The following RANBP17 variants were observed in gnomAD, a reference collection of about 807,000 sequenced individuals.
The protein encoded by RANBP17 is RAN binding protein 17.
RANBP17 carries 158 observed loss-of-function variants against 141.2 expected under a neutral mutation model. That is an observed-to-expected ratio of 1.12 (90% confidence interval 0.98 to 1.28). The LOEUF (loss-of-function observed/expected upper bound fraction) is 1.28, where lower values mean the gene tolerates loss of function less well. RANBP17 is among the 50% of genes most tolerant of loss of function. RANBP17 has a pLI of 0.00. For missense variants in RANBP17, 1,438 were observed against 1,290.7 expected, an observed-to-expected ratio of 1.11 and a Z score of -1.75; for synonymous variants, 430 against 450.0, an observed-to-expected ratio of 0.96 and a Z score of 0.56.
chr5:171,106,510 G>A (rs1754850368), intron 14 of RANBP17, among the ~76,000 whole-genome samples: 2 of 152,132 alleles, frequency 1.3e-5, no homozygotes, highest in African/African-American at 4.8e-5. Flanking sequence ...GGTCTGTTTT[G>A]TGAAGAAACT....
At chr5:171,042,819 G>A (rs577996539) in intron 14 of RANBP17, among the ~76,000 whole-genome samples, 156 of 152,174 alleles carry the variant, frequency 1.0e-3, no homozygotes, top group Non-Finnish European at 1.4e-3. Context: ...TCAGGTTTAC[G>A]GATAGGCTCC....
chr5:171,207,035 C>T (rs1217797703), intron 20 of RANBP17: 2 of 170,214 alleles, frequency 1.2e-5, no homozygotes, highest in African/African-American at 2.4e-5. Context: ...GTATGTTGCT[C>T]AGGCTGGACT....
At chr5:171,023,352 T>A (rs923857141) in intron 14 of RANBP17, among the ~76,000 whole-genome samples, 5 of 152,226 alleles carry the variant, frequency 3.3e-5, no homozygotes, top group Non-Finnish European at 7.3e-5. Context: ...AGATTTTACA[T>A]CTACATCAAA....
At chr5:171,101,393 T>C (rs1007525492) in intron 14 of RANBP17, among the ~76,000 whole-genome samples, 9 of 152,248 alleles carry the variant, frequency 5.9e-5, no homozygotes, top group Non-Finnish European at 1.3e-4. Flanking sequence ...ATTTAAAGTC[T>C]GTTTTATCAA....
In RANBP17 at chr5:170,919,706, C is replaced by T. The variant is rs886208086; in HGVS notation, c.1274+93C>T. 5.3e-5 allele frequency: 49 copies of T among 922,384 alleles called. No homozygotes were observed. The Admixed American group carries it at 6.2e-4, about 12-fold the overall frequency. 57.1% of individuals were successfully genotyped at this position (922,384 alleles called of 1,614,324 possible). ...TAAATTTAAAATTCACCCCTTTTAGCGTACAGTTGTATGATTTCTGACAAG... is the reference window on the plus strand; with the variant it reads ...TAAATTTAAAATTCACCCCTTTTAGTGTACAGTTGTATGATTTCTGACAAG... On this transcript the variant is annotated intron_variant, in intron 11 of 27. Transcript: ENST00000523189.
rs528278242 is a variant in RANBP17, at chr5:170,923,272, C to T, written c.1275-1085C>T. On this transcript the variant is annotated intron_variant, in intron 11 of 27. Transcript: ENST00000523189. Reference sequence around the variant, plus strand: ...TTTGTGTAACAGACTATCCTTTCTCCATTGAATTGTTTTTACACTTTTGTC... The same window carrying T: ...TTTGTGTAACAGACTATCCTTTCTCTATTGAATTGTTTTTACACTTTTGTC... Among the ~76,000 whole-genome samples, 4 of 152,270 alleles carry T rather than the reference C, an allele frequency of 2.6e-5. No individual in the cohort carries two copies. The East Asian group carries it at 7.7e-4, about 29-fold the overall frequency.
intron 1 of RANBP17, among the ~76,000 whole-genome samples, chr5:170,868,121 G>A (rs1561839158): frequency 1.3e-5 from 2 of 152,152 alleles, no homozygotes; most frequent in East Asian, 1.9e-4. Flanking sequence ...TCATTTAGGG[G>A]CCAATTCTGT....
intron 14 of RANBP17, among the ~76,000 whole-genome samples, chr5:171,165,585 T>A (rs1759638314): frequency 6.6e-6 from 1 of 152,188 alleles, no homozygotes; most frequent in South Asian, 2.1e-4. Context: ...AAATGCAGTA[T>A]CTTTGGGACC....
intron 12 of RANBP17, among the ~76,000 whole-genome samples, chr5:170,940,421 A>T (rs1316238182): frequency 6.6e-6 from 1 of 152,196 alleles, no homozygotes; most frequent in Non-Finnish European, 1.5e-5. Flanking sequence ...TCATTCAAGC[A>T]TTAAGAATTT....
intron 24 of RANBP17, among the ~76,000 whole-genome samples, chr5:171,251,707 G>A (rs1425683284): frequency 2.0e-5 from 3 of 152,190 alleles, no homozygotes; most frequent in African/African-American, 7.2e-5. Flanking sequence ...GGTCCGTGGC[G>A]GCTCGGGGTC....
intron 14 of RANBP17, among the ~76,000 whole-genome samples, chr5:170,988,503 A>T (rs1295156400): frequency 1.3e-5 from 2 of 151,684 alleles, no homozygotes; most frequent in Non-Finnish European, 3.0e-5. Context: ...TTCAATTTGA[A>T]AGAGGTTTTA....
Position 170,924,376 on chromosome 5 carries a change from C to G in RANBP17, c.1294C>G (p.Leu432Val), listed in dbSNP as rs777209986. 12 of 1,591,828 alleles carry G rather than the reference C, an allele frequency of 7.5e-6. No individual in the cohort carries two copies. Among genetic ancestry groups the G allele is most frequent in the Non-Finnish European group, 9.5e-6 (11 of 1,162,496 alleles). The change falls in exon 12 of 28, where the codon CTG becomes GTG. Residue 432 changes from leucine to valine, a missense_variant. Leu to Val is a conservative substitution (Grantham distance 32). Transcript: ENST00000523189. ...IVVRDHLDDPLDDTATVFQQL... is the reference protein window; with the variant it reads ...IVVRDHLDDPVDDTATVFQQL... ...TTGCAGAGATCACTTAGATGATCCA[C>G]TGGATGATACTGCCACTGTGTTTCA...
chr5:171,149,671 T>A (rs1265721016), intron 14 of RANBP17, among the ~76,000 whole-genome samples: 2 of 152,238 alleles, frequency 1.3e-5, no homozygotes, highest in Non-Finnish European at 2.9e-5. Context: ...TGGTTTACAC[T>A]TTGAATTAGT....
intron 20 of RANBP17, chr5:171,207,980 A>G (rs1223585957): frequency 3.3e-5 from 5 of 152,208 alleles, no homozygotes; most frequent in Non-Finnish European, 5.9e-5. Flanking sequence ...TGATAAAAAA[A>G]TGCCATGGAT....
intron 14 of RANBP17, among the ~76,000 whole-genome samples, chr5:171,155,094 A>AAAAAAAAAATATATATATATATAT (rs34090443): frequency 1.3e-5 from 1 of 74,988 alleles, no homozygotes; most frequent in African/African-American, 5.2e-5. Flanking sequence ...AAAAAAAAAA[A>AAAAAAAAAATATATATATATATAT]ATATATATAT....
chr5:171,237,299 A>G, intron 22 of RANBP17, among the ~76,000 whole-genome samples: 1 of 152,194 alleles, frequency 6.6e-6, no homozygotes, highest in East Asian at 1.9e-4. Context: ...AAATATTTCT[A>G]ATAAGCCAAA....
intron 14 of RANBP17, among the ~76,000 whole-genome samples, chr5:170,979,269 G>A (rs1004841751): frequency 6.6e-6 from 1 of 152,138 alleles, no homozygotes; most frequent in East Asian, 1.9e-4. Flanking sequence ...TGGTGGGTGT[G>A]CATGGGTGTT....
At chr5:171,089,533 C>A (rs1432091583) in intron 14 of RANBP17, among the ~76,000 whole-genome samples, 1 of 152,036 alleles carries the variant, frequency 6.6e-6, no homozygotes, top group Non-Finnish European at 1.5e-5. Flanking sequence ...CAAGCCTGGG[C>A]AATGGCGGGC....
chr5:171,209,951 C>T (rs1431258069), intron 20 of RANBP17, among the ~76,000 whole-genome samples: 3 of 151,836 alleles, frequency 2.0e-5, no homozygotes, highest in African/African-American at 4.8e-5. Flanking sequence ...GATGGACGGA[C>T]GGACAGACGG....
Sources: gnomAD v4.1 joint callset for allele counts (sites outside exome capture counted in the v4.1 genomes callset) on GRCh38, gnomAD v4.1.1 for gene constraint, MANE v1.5 for transcripts, NCBI Gene and HGNC (gene_info 2026-07-23, HGNC 2026-07-21) for gene names.